The following DLGAP2 variants were observed in gnomAD, a reference collection of about 807,000 sequenced individuals.
DLGAP2 encodes disks large-associated protein 2.
DLGAP2 carries 26 observed loss-of-function variants against 100.3 expected under a neutral mutation model. The observed-to-expected ratio is 0.26, with a 90% CI of 0.19 to 0.36. The LOEUF (loss-of-function observed/expected upper bound fraction) is 0.36. DLGAP2 is among the 10% of genes least tolerant of loss of function. The pLI, the probability that DLGAP2 is intolerant of heterozygous loss-of-function variation, is 1.00. For synonymous variants in DLGAP2, 886 were observed against 630.1 expected (o/e 1.41, Z -6.08); for missense variants, 1,858 against 1,453.2 (o/e 1.28, Z -4.53).
At chr8:1,296,415 C>G (rs1800176858) in intron 3 of DLGAP2, among the ~76,000 whole-genome samples, 1 of 152,170 alleles carries the variant, frequency 6.6e-6, no homozygotes, top group Non-Finnish European at 1.5e-5. Flanking sequence ...CAAAATATGT[C>G]ATGATTATCC....
chr8:1,347,158 C>T (rs1054189282), intron 3 of DLGAP2, among the ~76,000 whole-genome samples: 3 of 131,492 alleles, frequency 2.3e-5, no homozygotes, highest in Non-Finnish European at 3.3e-5. Flanking sequence ...GTGGAGGTTG[C>T]GTTCCTGTAC....
intron 3 of DLGAP2, among the ~76,000 whole-genome samples, chr8:1,275,950 TATAA>T (rs1241702700): frequency 0.01 from 1,331 of 127,090 alleles, 14 homozygotes; most frequent in South Asian, 0.023. Context: ...ATATATAATA[TATAA>T]ATAAATATAT....
At chr8:979,932 G>T (rs996676089) in intron 2 of DLGAP2, among the ~76,000 whole-genome samples, 1 of 152,218 alleles carries the variant, frequency 6.6e-6, no homozygotes, top group African/African-American at 2.4e-5. Context: ...AGAAAGAGGA[G>T]TGAGAGAGGG....
rs112572568 is a variant in DLGAP2, at chr8:993,508, C to T, written c.73+85542C>T. Among the ~76,000 whole-genome samples the T allele has an allele frequency of 2.2e-3, 207 of 94,828 alleles. 40 individuals carry two copies. The highest frequency in any genetic ancestry group is 7.6e-3 in the East Asian group (20 of 2,620). 62.2% of individuals were successfully genotyped at this position (94,828 alleles called of 152,430 possible). On this transcript the variant is annotated intron_variant, in intron 2 of 14. Coordinates refer to ENST00000637795, the MANE Select transcript of DLGAP2 (RefSeq NM_001346810.2). Reference sequence around the variant, plus strand: ...CCCTCCTTGCCTGGACCCCCTGCACCCCCATACTCGGAGTTCCTGTTCTTC... The same window carrying T: ...CCCTCCTTGCCTGGACCCCCTGCACTCCCATACTCGGAGTTCCTGTTCTTC...
intron 3 of DLGAP2, among the ~76,000 whole-genome samples, chr8:1,290,185 C>G (rs538414095): frequency 1.3e-5 from 2 of 152,298 alleles, no homozygotes; most frequent in Admixed American, 6.5e-5. Context: ...GTAAGCAGAT[C>G]TAGTCAGCTA....
chr8:986,234 G>A (rs1054844088), intron 2 of DLGAP2, among the ~76,000 whole-genome samples: 6 of 152,180 alleles, frequency 3.9e-5, no homozygotes, highest in East Asian at 1.9e-4. Flanking sequence ...CACAGCAGGG[G>A]TAGGGAGAGC....
chr8:1,391,265 G>T (rs928313671), intron 3 of DLGAP2, among the ~76,000 whole-genome samples: 3 of 152,192 alleles, frequency 2.0e-5, no homozygotes, highest in Non-Finnish European at 2.9e-5. Flanking sequence ...AGGCAATGGG[G>T]CATTCAAGGA....
chr8:1,679,937 G>A (rs1563058591), intron 12 of DLGAP2, among the ~76,000 whole-genome samples: 2 of 128,148 alleles, frequency 1.6e-5, no homozygotes, highest in Admixed American at 9.9e-5. Flanking sequence ...TCAAGATCGT[G>A]CCATTGCACT....
chr8:1,425,701 G>C (rs750209573), intron 3 of DLGAP2, among the ~76,000 whole-genome samples: 1 of 152,180 alleles, frequency 6.6e-6, no homozygotes, highest in Non-Finnish European at 1.5e-5. Context: ...CTGTCCTGTA[G>C]GGAACTGGCC....
rs1268204920 is a variant in DLGAP2 at position 1,476,885 on chromosome 8, A to T, written c.107-24481A>T. Among the ~76,000 whole-genome samples the T allele has an allele frequency of 2.0e-5, 3 of 150,270 alleles. No homozygotes were observed. The East Asian group carries it at 5.9e-4, about 30-fold the overall frequency. On this transcript the variant is annotated intron_variant, in intron 3 of 14. Transcript: ENST00000637795. The stretch of plus-strand genomic sequence containing the variant: ...ATGGCCGAGTGCTGTCGGCCAACCC[A>T]CCAGCCCCTTCTGCAGACCCACCCG...
intron 6 of DLGAP2, among the ~76,000 whole-genome samples, chr8:1,588,438 C>T (rs1456034243): frequency 6.6e-6 from 1 of 152,130 alleles, no homozygotes; most frequent in Admixed American, 6.5e-5. Flanking sequence ...TGTAATTCTC[C>T]CCAATAGTAA....
At chr8:972,773 G>A (rs191475471) in intron 2 of DLGAP2, among the ~76,000 whole-genome samples, 97 of 152,224 alleles carry the variant, frequency 6.4e-4, no homozygotes, top group African/African-American at 2.0e-3. Flanking sequence ...GCGGCCTTCC[G>A]CGGTGTTTGT....
rs139738513 is a variant in DLGAP2, at chr8:1,469,597, T to C, written c.107-31769T>C. On this transcript the variant is annotated intron_variant, in intron 3 of 14. Coordinates refer to ENST00000637795, the MANE Select transcript of DLGAP2 (RefSeq NM_001346810.2). ...AGAAGAACCTCCCACGTATTCGTAT[T>C]TTCACTGGCAGCTCTTGGGCAACGT... Among the ~76,000 whole-genome samples, 274 of 152,296 alleles carry C rather than the reference T, an allele frequency of 1.8e-3. 1 individual carries two copies. Among genetic ancestry groups the C allele is most frequent in the African/African-American group, 6.4e-3 (265 of 41,588 alleles).
chr8:807,949 G>A (rs1250275053), intron 1 of DLGAP2, among the ~76,000 whole-genome samples: 3 of 152,214 alleles, frequency 2.0e-5, no homozygotes, highest in Non-Finnish European at 4.4e-5. Flanking sequence ...GTGATAAGAT[G>A]TGGTAGCAGT....
At chr8:849,609 C>T (rs903868247) in intron 1 of DLGAP2, among the ~76,000 whole-genome samples, 1 of 152,176 alleles carries the variant, frequency 6.6e-6, no homozygotes, top group East Asian at 1.9e-4. Context: ...CCTTCCAGGA[C>T]CCCTGTAGCC....
intron 2 of DLGAP2, among the ~76,000 whole-genome samples, chr8:1,070,616 A>G (rs1803398629): frequency 6.6e-6 from 1 of 152,194 alleles, no homozygotes; most frequent in Non-Finnish European, 1.5e-5. Context: ...CAGCTTTCAC[A>G]TACATACGCG....
At chr8:1,108,182 A>G (rs753720864) in intron 2 of DLGAP2, among the ~76,000 whole-genome samples, 1 of 152,206 alleles carries the variant, frequency 6.6e-6, no homozygotes, top group Non-Finnish European at 1.5e-5. Flanking sequence ...TTGATGGGAA[A>G]TGAATTGGCT....
At chr8:1,531,241 C>CGTGTGTGTGT (rs58738870) in intron 4 of DLGAP2, among the ~76,000 whole-genome samples, 1,872 of 143,292 alleles carry the variant, frequency 0.013, 30 homozygotes, top group East Asian at 0.079. Flanking sequence ...AGAGCGTGTG[C>CGTGTGTGTGT]GTGTGTGTGT....
At chr8:1,473,582 C>G (rs1798857280) in intron 3 of DLGAP2, among the ~76,000 whole-genome samples, 1 of 152,184 alleles carries the variant, frequency 6.6e-6, no homozygotes, top group Admixed American at 6.5e-5. Context: ...CAGCAGGGCT[C>G]AAGCGAGCTT....
Sources: gnomAD v4.1 joint callset for allele counts (sites outside exome capture counted in the v4.1 genomes callset) on GRCh38, gnomAD v4.1.1 for gene constraint, MANE v1.5 for transcripts, NCBI Gene and HGNC (gene_info 2026-07-23, HGNC 2026-07-21) for gene names.